Variants in SULT1C2 observed in about 807,000 individuals in gnomAD.
SULT1C2 encodes sulfotransferase 1C2.
In SULT1C2, 27 loss-of-function variants were observed where a neutral mutation model predicts 36.0. The observed-to-expected ratio is 0.75, with a 90% confidence interval of 0.55 to 1.03. SULT1C2 has a LOEUF of 1.03. Among genes scored for constraint, SULT1C2 ranks in the 50% least tolerant of loss-of-function variants. The pLI, the probability that SULT1C2 is intolerant of heterozygous loss-of-function variation, is 0.00. For missense variants in SULT1C2, 395 were observed against 359.2 expected (o/e 1.10, Z -0.80); for synonymous variants, 121 against 116.0 (o/e 1.04, Z -0.27).
At chr2:108,293,957 G>C in intron 2 of SULT1C2, 139 bp downstream of exon 2, 9 of 1,360,132 alleles carry the variant, frequency 6.6e-6, no homozygotes, top group Non-Finnish European at 6.9e-6. Context: ...GCTCACACAG[G>C]ATGCCTGATA....
intron 3 of SULT1C2, among the ~76,000 whole-genome samples, chr2:108,296,401 C>T (rs569542224): frequency 7.7e-5 from 11 of 143,440 alleles, no homozygotes; most frequent in African/African-American, 2.7e-4. Context: ...ATGATCTGCC[C>T]AGCCACAGAC....
intron 7 of SULT1C2, among the ~76,000 whole-genome samples, chr2:108,307,028 T>C (rs954290455): frequency 1.3e-5 from 2 of 152,206 alleles, no homozygotes. Flanking sequence ...ATTTATAACA[T>C]ACAGATTTTT....
At chr2:108,300,710 C>A in intron 3 of SULT1C2, 128 bp from the exon 4 acceptor site, 3 of 1,409,690 alleles carry the variant, frequency 2.1e-6, no homozygotes, top group Non-Finnish European at 2.8e-6. Context: ...TTGTAAAATC[C>A]CAAAAGAAAG....
chr2:108,292,868 T>C (rs1248350060), intron 1 of SULT1C2, among the ~76,000 whole-genome samples: 1 of 152,180 alleles, frequency 6.6e-6, no homozygotes, highest in Non-Finnish European at 1.5e-5. Context: ...AAAGTTTCCA[T>C]CAATAGATGA....
At chr2:108,296,194 G>T (rs1275075321) in intron 3 of SULT1C2, among the ~76,000 whole-genome samples, 1 of 152,190 alleles carries the variant, frequency 6.6e-6, no homozygotes, top group Admixed American at 6.5e-5. Context: ...GCCTAAGCAA[G>T]ATTTCTAATG....
chr2:108,298,229 C>T (rs1676785030), intron 3 of SULT1C2, among the ~76,000 whole-genome samples: 1 of 152,210 alleles, frequency 6.6e-6, no homozygotes, highest in Non-Finnish European at 1.5e-5. Context: ...TTCTTTAGCT[C>T]TGCCACTATT....
chr2:108,292,945 A>G (rs13424530), intron 1 of SULT1C2, among the ~76,000 whole-genome samples: 77,729 of 152,030 alleles, frequency 0.51, 20,430 homozygotes, highest in Non-Finnish European at 0.56. Flanking sequence ...TTGGGAAGCC[A>G]AGGTGGGTGG....
Position 108,304,580 on chromosome 2 carries a change from T to C in SULT1C2, c.382T>C (p.Tyr128His), listed in dbSNP as rs17036091. The change falls in exon 5 of 8, where the codon TAT (tyrosine) becomes CAT (histidine). Residue 128 changes from tyrosine to histidine, a missense_variant. By Grantham distance (83) the Tyr-to-His change is moderately conservative (BLOSUM62 2). Transcript: ENST00000251481. ...SFWENNCKFL[Y>H]VARNAKDCMV... is the part of the protein sequence containing the mutation. ...CTCTTTTCTTACCCCAAAGTTCCTT[T>C]ATGTAGCTCGAAATGCCAAAGACTG... The C allele has an allele frequency of 1.6e-3, 2,491 of 1,603,094 alleles. 19 individuals carry two copies. In the Middle Eastern group the frequency reaches 0.029, roughly 19 times the overall value.
chr2:108,302,120 TAGAAACTGCAGA>T (rs1676893098), intron 4 of SULT1C2: 2 of 152,188 alleles, frequency 1.3e-5, no homozygotes, highest in Non-Finnish European at 2.9e-5. Context: ...TCCCTAAGTT[TAGAAACTGCAGA>T]GGAAACTGAA....
rs1677107595 is a variant in SULT1C2, at chr2:108,309,664, G to C, written c.*1200G>C. The C allele has an allele frequency of 6.6e-6, 1 of 151,756 alleles. No individual in the cohort carries two copies. The highest frequency in any genetic ancestry group is 1.5e-5 in the Non-Finnish European group (1 of 68,006). 9.4% of individuals were successfully genotyped at this position (151,756 alleles called of 1,614,324 possible). ...AATAGGGTCTTGCTATGTTGCCCAG[G>C]CTGGTCTTAACTGACTGCTTTTTAT... On this transcript the variant is annotated 3_prime_UTR_variant, in exon 8 of 8. Coordinates refer to ENST00000251481, the MANE Select transcript of SULT1C2 (RefSeq NM_001056.4).
chr2:108,303,522 G>C lies in SULT1C2; in HGVS notation c.376-1052G>C, dbSNP rs571493993. 4.6e-5 allele frequency: 7 copies of C among 152,404 alleles called. No individual in the cohort carries two copies. The South Asian group carries it at 1.2e-3, about 27-fold the overall frequency. 9.4% of individuals were successfully genotyped at this position (152,404 alleles called of 1,614,324 possible). A position where few individuals can be genotyped will look rare whatever the true frequency, so the allele number is the denominator to read the frequency against. On this transcript the variant is annotated intron_variant, in intron 4 of 7. Coordinates refer to ENST00000251481, the MANE Select transcript of SULT1C2 (RefSeq NM_001056.4). ...TGGTATCTGACCCTGGGGTGTCAGG[G>C]CAGGTGAATAATGGCCCAGTGTGTA...
rs1463486792 is a variant in SULT1C2, at chr2:108,299,789, A to G, written c.278-1049A>G. On this transcript the variant is annotated intron_variant, in intron 3 of 7. Coordinates refer to ENST00000251481, the MANE Select transcript of SULT1C2 (RefSeq NM_001056.4). The stretch of plus-strand genomic sequence containing the variant: ...CAGATACCTGTACATCTACATTCAA[A>G]ATAACATTATTCACAATAGCCAAAA... The G allele has an allele frequency of 4.6e-5, 7 of 152,346 alleles. No homozygotes were observed. The East Asian group carries it at 1.3e-3, about 29-fold the overall frequency. The allele number at this position is 152,346 out of a possible 1,614,324, so 9.4% of individuals were successfully genotyped here.
chr2:108,304,655 C>T lies in SULT1C2; in HGVS notation c.457C>T (p.Pro153Ser). The T allele has an allele frequency of 6.2e-7, 1 of 1,613,890 alleles. No homozygotes were observed. The highest frequency in any genetic ancestry group is 8.5e-7 in the Non-Finnish European group (1 of 1,179,912). ...AAGGATGAACCACATGCTTCCTGAC[C>T]CTGGTACCTGGGAAGAGTATTTTGA... Reference protein sequence around the residue: ...FQRMNHMLPDPGTWEEYFETF... With the variant: ...FQRMNHMLPDSGTWEEYFETF... Residue 153 changes from proline (P) to serine (S), a missense_variant, in exon 5 of 8, where the codon CCT (proline) becomes TCT (serine). Pro to Ser is a moderately conservative substitution (Grantham distance 74). Coordinates refer to ENST00000251481, the MANE Select transcript of SULT1C2 (RefSeq NM_001056.4).
chr2:108,299,768 T>TA (rs1676826589), intron 3 of SULT1C2: 1 of 152,190 alleles, frequency 6.6e-6, no homozygotes, highest in Non-Finnish European at 1.5e-5. Flanking sequence ...CTGAAACAGA[T>TA]ACCTGTACAT....
At chr2:108,305,689 AATGC>A (rs1677007547) in intron 7 of SULT1C2, 94 bp downstream of exon 7, 2 of 1,453,838 alleles carry the variant, frequency 1.4e-6, no homozygotes, top group African/African-American at 2.8e-5. Context: ...ATTCCAAGCC[AATGC>A]ATTTCAACTA....
intron 1 of SULT1C2, among the ~76,000 whole-genome samples, chr2:108,291,285 C>G (rs943328288): frequency 6.6e-6 from 1 of 152,220 alleles, no homozygotes; most frequent in African/African-American, 2.4e-5. Context: ...CCACACGACT[C>G]TCTGACTGCT....
intron 1 of SULT1C2, among the ~76,000 whole-genome samples, chr2:108,291,119 T>C (rs1016467328): frequency 8.5e-5 from 13 of 152,214 alleles, no homozygotes; most frequent in Non-Finnish European, 8.8e-5. Context: ...TTCAGATTCA[T>C]GTGGCTGTAG....
chr2:108,306,515 G>A (rs1019074577), intron 7 of SULT1C2, among the ~76,000 whole-genome samples: 4 of 152,138 alleles, frequency 2.6e-5, no homozygotes, highest in African/African-American at 7.2e-5. Flanking sequence ...AAGGTGGGAG[G>A]AGCACTTGAG....
At chr2:108,296,916 C>T (rs1276809172) in intron 3 of SULT1C2, among the ~76,000 whole-genome samples, 1 of 152,172 alleles carries the variant, frequency 6.6e-6, no homozygotes, top group East Asian at 1.9e-4. Flanking sequence ...TGAGCTTGTG[C>T]CCTGCATGGT....
Sources: gnomAD v4.1 joint callset for allele counts (sites outside exome capture counted in the v4.1 genomes callset) on GRCh38, gnomAD v4.1.1 for gene constraint, MANE v1.5 for transcripts, NCBI Gene and HGNC (gene_info 2026-07-23, HGNC 2026-07-21) for gene names.